The following SLCO6A1 variants were observed in gnomAD, a reference collection of about 807,000 sequenced individuals.
SLCO6A1 encodes the protein cancer/testis antigen 48.
A neutral mutation model predicts 72.7 loss-of-function variants in SLCO6A1; 65 were observed. The ratio of observed to expected loss-of-function variants is 0.89; its 90% CI spans 0.73 to 1.10. The LOEUF (loss-of-function observed/expected upper bound fraction) is 1.10, where lower values mean the gene tolerates loss of function less well. SLCO6A1 is among the 50% of genes least tolerant of loss of function. The probability of loss-of-function intolerance (pLI) is 0.00; values close to 1 mark genes in which losing one functional copy is unlikely to be tolerated. For missense variants in SLCO6A1, 874 were observed against 872.6 expected, an observed-to-expected ratio of 1.00 and a Z score of -0.02; for synonymous variants, 314 against 298.2, an observed-to-expected ratio of 1.05 and a Z score of -0.55.
intron 6 of SLCO6A1, among the ~76,000 whole-genome samples, chr5:102,439,946 T>C (rs1749744081): frequency 6.6e-6 from 1 of 152,218 alleles, no homozygotes; most frequent in African/African-American, 2.4e-5. Context: ...AAAAAGGTCA[T>C]TAAACTTGGA....
At chr5:102,458,002 C>CA (rs1183710681) in intron 6 of SLCO6A1, among the ~76,000 whole-genome samples, 3 of 151,452 alleles carry the variant, frequency 2.0e-5, no homozygotes, top group African/African-American at 7.3e-5. Flanking sequence ...ATTGCAAGAA[C>CA]AAAAAACCAA....
chr5:102,462,522 C>T (rs1442808935), intron 4 of SLCO6A1, among the ~76,000 whole-genome samples: 1 of 152,162 alleles, frequency 6.6e-6, no homozygotes, highest in Admixed American at 6.5e-5. Flanking sequence ...CAGCATGCTA[C>T]TGGTATAAAA....
intron 12 of SLCO6A1, among the ~76,000 whole-genome samples, chr5:102,386,925 G>C (rs556047676): frequency 6.6e-6 from 1 of 152,186 alleles, no homozygotes; most frequent in Non-Finnish European, 1.5e-5. Context: ...TGTTCTGCCA[G>C]ACTTTGGGGA....
chr5:102,472,123 G>A (rs1334895819), intron 4 of SLCO6A1, among the ~76,000 whole-genome samples: 2 of 152,118 alleles, frequency 1.3e-5, no homozygotes, highest in African/African-American at 2.4e-5. Context: ...CATTGAGGCT[G>A]TCAATACAGG....
At chr5:102,469,474 T>G in intron 4 of SLCO6A1, among the ~76,000 whole-genome samples, 1 of 152,122 alleles carries the variant, frequency 6.6e-6, no homozygotes, top group East Asian at 1.9e-4. Flanking sequence ...GTTATTGGTG[T>G]ATAGGAATGC....
At chr5:102,412,844 G>T (rs1748063081) in intron 9 of SLCO6A1, 146 bp downstream of exon 9, 1 of 297,724 alleles carries the variant, frequency 3.4e-6, no homozygotes, top group Non-Finnish European at 5.9e-6. Context: ...AGAAAAAATA[G>T]GTTTTATACA....
chr5:102,410,787 T>C (rs568478906), intron 9 of SLCO6A1, among the ~76,000 whole-genome samples: 1 of 152,252 alleles, frequency 6.6e-6, no homozygotes, highest in Admixed American at 6.5e-5. Flanking sequence ...AAATAACATA[T>C]ATTCGAGTCA....
intron 1 of SLCO6A1, among the ~76,000 whole-genome samples, chr5:102,495,368 C>T (rs987049457): frequency 2.0e-5 from 3 of 152,204 alleles, no homozygotes; most frequent in Non-Finnish European, 2.9e-5. Context: ...CCGCGGTGGG[C>T]GGATCACCAG....
At chr5:102,471,698 T>G (rs1751617885) in intron 4 of SLCO6A1, among the ~76,000 whole-genome samples, 1 of 152,044 alleles carries the variant, frequency 6.6e-6, no homozygotes, top group Admixed American at 6.6e-5. Flanking sequence ...TTCAACATAG[T>G]TCTGGAACCC....
chr5:102,473,932 G>A (rs566828093), intron 4 of SLCO6A1, among the ~76,000 whole-genome samples: 9 of 151,926 alleles, frequency 5.9e-5, no homozygotes, highest in African/African-American at 1.9e-4. Flanking sequence ...GATGTAAAGC[G>A]ATCCCATGTT....
chr5:102,466,075 A>G (rs928178830), intron 4 of SLCO6A1, among the ~76,000 whole-genome samples: 1 of 152,032 alleles, frequency 6.6e-6, no homozygotes, highest in Non-Finnish European at 1.5e-5. Flanking sequence ...GAGGTTTGTT[A>G]AATAAGTAAA....
At chr5:102,383,208 T>C (rs1412877988) in intron 12 of SLCO6A1, among the ~76,000 whole-genome samples, 1 of 150,970 alleles carries the variant, frequency 6.6e-6, no homozygotes, top group African/African-American at 2.4e-5. Context: ...TCTTGCCTAA[T>C]TGTTCTGTTT....
At chr5:102,394,264 T>C (rs1424440291) in intron 10 of SLCO6A1, among the ~76,000 whole-genome samples, 1 of 152,220 alleles carries the variant, frequency 6.6e-6, no homozygotes, top group Non-Finnish European at 1.5e-5. Flanking sequence ...TAATTATCAC[T>C]TATTTAACAA....
intron 6 of SLCO6A1, among the ~76,000 whole-genome samples, chr5:102,441,494 G>A (rs1053531599): frequency 1.3e-5 from 2 of 152,078 alleles, no homozygotes; most frequent in African/African-American, 4.8e-5. Context: ...GTCTTAATGG[G>A]AAATAGGTCC....
chr5:102,452,437 T>C (rs936945449), intron 6 of SLCO6A1, among the ~76,000 whole-genome samples: 3 of 152,164 alleles, frequency 2.0e-5, no homozygotes, highest in African/African-American at 7.2e-5. Flanking sequence ...TCTTATCCTC[T>C]GTTCTACCTT....
At chr5:102,456,383 A>C (rs1251892402) in intron 6 of SLCO6A1, among the ~76,000 whole-genome samples, 1 of 152,224 alleles carries the variant, frequency 6.6e-6, no homozygotes, top group Non-Finnish European at 1.5e-5. Context: ...AAATCTCCTT[A>C]AGCTGATAAG....
At chr5:102,405,118 G>A (rs984562061) in intron 9 of SLCO6A1, among the ~76,000 whole-genome samples, 2 of 151,972 alleles carry the variant, frequency 1.3e-5, no homozygotes, top group African/African-American at 4.8e-5. Context: ...CATAATTTAA[G>A]TCCTCCAAGT....
At position 102,461,839 on chromosome 5, in the gene SLCO6A1, A is replaced by G. The variant is rs148306834; in HGVS notation, c.900-2062T>C. On this transcript the variant is annotated intron_variant, in intron 4 of 13. Coordinates refer to ENST00000506729, the MANE Select transcript of SLCO6A1 (RefSeq NM_173488.5). Reference sequence around the variant, plus strand: ...AGAAAATATAGTCAAATATTTTAACAAGTTTATAGAGCATAAGAACTTCTT... The same window carrying G: ...AGAAAATATAGTCAAATATTTTAACGAGTTTATAGAGCATAAGAACTTCTT... Among the ~76,000 whole-genome samples the G allele has an allele frequency of 2.1e-3, 317 of 152,248 alleles. 3 individuals are homozygous for G. The highest frequency in any genetic ancestry group is 7.2e-3 in the African/African-American group (301 of 41,568).
intron 8 of SLCO6A1, among the ~76,000 whole-genome samples, chr5:102,419,502 G>C (rs1197548589): frequency 6.6e-6 from 1 of 152,140 alleles, no homozygotes. Flanking sequence ...GAAACACAAG[G>C]TAAGACTGGC....
Sources: gnomAD v4.1 joint callset for allele counts (sites outside exome capture counted in the v4.1 genomes callset) on GRCh38, gnomAD v4.1.1 for gene constraint, MANE v1.5 for transcripts, NCBI Gene and HGNC (gene_info 2026-07-23, HGNC 2026-07-21) for gene names.